The following CUX1 variants were observed in gnomAD, a reference collection of about 807,000 sequenced individuals.
CUX1 encodes the protein protein CASP.
A neutral mutation model predicts 158.8 loss-of-function variants in CUX1; 31 were observed. The observed-to-expected ratio is 0.20, with a 90% CI of 0.15 to 0.26. The LOEUF is 0.26. CUX1 is among the 10% of genes least tolerant of loss of function. The probability of loss-of-function intolerance (pLI) is 1.00; values close to 1 mark genes in which losing one functional copy is unlikely to be tolerated. For synonymous variants in CUX1, 879 were observed against 862.1 expected (o/e 1.02, Z -0.34); for missense variants, 1,589 against 2,014.6 (o/e 0.79, Z 4.04).
At chr7:102,159,295 C>T (rs1457478059) in intron 9 of CUX1, among the ~76,000 whole-genome samples, 1 of 152,228 alleles carries the variant, frequency 6.6e-6, no homozygotes, top group African/African-American at 2.4e-5. Context: ...TCTCATGGGT[C>T]GCAGCCACTT....
At position 102,257,429 on chromosome 7, in the gene CUX1, A is replaced by C; in HGVS notation, c.*8387A>C. The C allele has an allele frequency of 2.0e-6, 2 of 985,360 alleles. No individual in the cohort carries two copies. Among genetic ancestry groups the C allele is most frequent in the Non-Finnish European group, 2.4e-6 (2 of 829,918 alleles). The allele number at this position is 985,360 out of a possible 1,614,324, so 61.0% of individuals were successfully genotyped here. ...CCATCTGAGACCTCTTGGAAAAAAAAAATCCCGTGTATTCTGGAGATGTGA... is the reference window on the plus strand; with the variant it reads ...CCATCTGAGACCTCTTGGAAAAAAACAATCCCGTGTATTCTGGAGATGTGA... On this transcript the variant is annotated 3_prime_UTR_variant, in exon 24 of 24. Coordinates refer to ENST00000292535, the MANE Select transcript of CUX1 (RefSeq NM_181552.4).
chr7:101,816,915 C>G, upstream of CUX1: 1 of 981,204 alleles, frequency 1.0e-6, no homozygotes, highest in South Asian at 4.7e-5. Flanking sequence ...TGGCTCCCGG[C>G]GCGGACCCCC....
chr7:101,840,702 T>G (rs970153321), intron 1 of CUX1, among the ~76,000 whole-genome samples: 4 of 152,156 alleles, frequency 2.6e-5, no homozygotes, highest in Admixed American at 2.0e-4. Flanking sequence ...TTTACTAGTC[T>G]CATGAAATGG....
chr7:102,057,940 A>G (rs1035661223), intron 3 of CUX1, among the ~76,000 whole-genome samples: 1 of 152,146 alleles, frequency 6.6e-6, no homozygotes, highest in African/African-American at 2.4e-5. Flanking sequence ...TGTGTTAACG[A>G]AAGAGTCAAT....
chr7:101,868,429 T>G (rs1349768867), intron 1 of CUX1, among the ~76,000 whole-genome samples: 2 of 152,216 alleles, frequency 1.3e-5, no homozygotes, highest in Non-Finnish European at 2.9e-5. Flanking sequence ...TAGAGTCTTG[T>G]ACTTGCTGTT....
At chr7:102,167,079 C>A (rs12538988) in intron 9 of CUX1, among the ~76,000 whole-genome samples, 31,419 of 151,870 alleles carry the variant, frequency 0.21, 4,004 homozygotes, top group Non-Finnish European at 0.29. Flanking sequence ...ACCAGCCTGG[C>A]CAACATGGTG....
intron 2 of CUX1, among the ~76,000 whole-genome samples, chr7:101,933,287 G>A (rs1407556871): frequency 6.6e-6 from 1 of 151,126 alleles, no homozygotes; most frequent in Non-Finnish European, 1.5e-5. Context: ...TGTTTTAGTT[G>A]GCAGGCATTA....
At chr7:102,073,681 C>T (rs1826394991) in intron 4 of CUX1, among the ~76,000 whole-genome samples, 1 of 152,138 alleles carries the variant, frequency 6.6e-6, no homozygotes, top group African/African-American at 2.4e-5. Flanking sequence ...CAACCTTGTC[C>T]ATGTACATGT....
chr7:102,012,620 C>T (rs1238987987), intron 2 of CUX1, among the ~76,000 whole-genome samples: 2 of 151,772 alleles, frequency 1.3e-5, no homozygotes, highest in Admixed American at 6.6e-5. Flanking sequence ...TTTGAAGGTA[C>T]TGCCCAGGGT....
chr7:102,196,803 C>T lies in CUX1; in HGVS notation c.1392C>T (p.Ser464=). 6.2e-7 allele frequency: 1 copy of T among 1,614,162 alleles called. No individual in the cohort carries two copies. The highest frequency in any genetic ancestry group is 8.5e-7 in the Non-Finnish European group (1 of 1,180,040). Reference sequence around the variant, plus strand: ...TAAGTCAAGACTTTTTCAGCTCATCCCTGGCAAGCCCCAGCCTACCCCTGG... The same window carrying T: ...TAAGTCAAGACTTTTTCAGCTCATCTCTGGCAAGCCCCAGCCTACCCCTGG... ...AGLSQDFFSS[S]LASPSLPLAS... Residue 464 remains serine (S), a synonymous_variant, in exon 15 of 24, where the codon TCC becomes TCT. Coordinates refer to ENST00000292535, the MANE Select transcript of CUX1 (RefSeq NM_181552.4).
At chr7:102,259,959 G>C (rs1790268006), downstream of CUX1, among the ~76,000 whole-genome samples, 1 of 151,866 alleles carries the variant, frequency 6.6e-6, no homozygotes, top group South Asian at 2.1e-4. Flanking sequence ...GTTGGGCATG[G>C]TGGCATGTGC....
intron 4 of CUX1, among the ~76,000 whole-genome samples, chr7:102,072,934 C>T (rs1224357964): frequency 6.6e-6 from 1 of 152,004 alleles, no homozygotes; most frequent in Non-Finnish European, 1.5e-5. Flanking sequence ...AGAGTTCATT[C>T]TTTGACTTTT....
At chr7:102,117,043 G>C (rs1831506443) in intron 8 of CUX1, among the ~76,000 whole-genome samples, 1 of 152,118 alleles carries the variant, frequency 6.6e-6, no homozygotes, top group Non-Finnish European at 1.5e-5. Context: ...GGGCGCTGAC[G>C]GTCAGCAGGT....
intron 8 of CUX1, among the ~76,000 whole-genome samples, chr7:102,155,550 A>G: frequency 6.7e-6 from 1 of 148,320 alleles, no homozygotes; most frequent in African/African-American, 2.5e-5. Context: ...TCTCAAAAAG[A>G]AAAAAAAAAA....
intron 8 of CUX1, among the ~76,000 whole-genome samples, chr7:102,134,071 A>G (rs1406613850): frequency 6.6e-6 from 1 of 152,214 alleles, no homozygotes; most frequent in East Asian, 1.9e-4. Flanking sequence ...GCGCTGGCTC[A>G]CACCTGTAAT....
intron 9 of CUX1, among the ~76,000 whole-genome samples, chr7:102,163,061 T>C (rs1240449003): frequency 2.0e-5 from 3 of 152,058 alleles, no homozygotes; most frequent in African/African-American, 4.8e-5. Context: ...CCCATTGGCA[T>C]GAGAAGCATC....
rs542384345 is a variant in CUX1, at chr7:101,878,224, G to A, written c.31-37891G>A. Reference sequence around the variant, plus strand: ...ATTGCAGTAAGGAGTCAATGAAATCGGTTACTGTGGGACAGGACCCTCCCC... The same window carrying A: ...ATTGCAGTAAGGAGTCAATGAAATCAGTTACTGTGGGACAGGACCCTCCCC... On this transcript the variant is annotated intron_variant, in intron 1 of 23. Coordinates refer to ENST00000292535, the MANE Select transcript of CUX1 (RefSeq NM_181552.4). 5.9e-5 allele frequency among the ~76,000 whole-genome samples: 9 copies of A among 152,328 alleles called. No homozygotes were observed. In the East Asian group the frequency reaches 9.6e-4, roughly 16 times the overall value.
intron 22 of CUX1, among the ~76,000 whole-genome samples, chr7:102,236,033 T>C (rs1586375187): frequency 6.6e-6 from 1 of 152,188 alleles, no homozygotes; most frequent in Non-Finnish European, 1.5e-5. Context: ...CTAAGACTGC[T>C]GTTCATCCAC....
intron 8 of CUX1, chr7:102,153,477 G>C (rs1297251074): frequency 6.6e-6 from 1 of 152,250 alleles, no homozygotes; most frequent in Non-Finnish European, 1.5e-5. Context: ...CCAGGGAGAC[G>C]GTGTCCTCCT....
Sources: allele counts gnomAD v4.1 joint callset (sites outside exome capture counted in the v4.1 genomes callset), GRCh38; gene constraint gnomAD v4.1.1; transcripts MANE v1.5; gene names NCBI Gene and HGNC (gene_info 2026-07-23, HGNC 2026-07-21).